The following RYR1 variants were observed in gnomAD, a reference collection of about 807,000 sequenced individuals.
The protein encoded by RYR1 is ryanodine receptor 1.
A neutral mutation model predicts 583.5 loss-of-function variants in RYR1; 342 were observed. The ratio of observed to expected loss-of-function variants is 0.59; its 90% confidence interval spans 0.54 to 0.64. The LOEUF (loss-of-function observed/expected upper bound fraction) is 0.64. Ranked by LOEUF, RYR1 falls within the 30% of genes least tolerant of loss-of-function variation. The pLI is 0.00. For missense variants in RYR1, 6,032 were observed against 6,917.2 expected, an observed-to-expected ratio of 0.87 and a Z score of 4.54; for synonymous variants, 2,791 against 2,822.5, an observed-to-expected ratio of 0.99 and a Z score of 0.35.
rs1972283336 is a variant in RYR1, at chr19:38,543,373, A to T, written c.11716A>T (p.Thr3906Ser). Residue 3906 changes from threonine to serine, a missense_variant, in exon 85 of 106, where the codon ACA (threonine) becomes TCA (serine). By Grantham distance (58) the Thr-to-Ser change is moderately conservative. Around this residue, in one of 11 missense-constraint regions of RYR1, gnomAD observed 1,493 missense variants for 1,715.5 expected, o/e 0.87. Transcript: ENST00000359596. This position sits in a 1 kb window ranked among gnomAD's most constrained non-coding sequence, Gnocchi z 4.4. ...TTTCCAGAACTACCTACGGACACAGACAGGGAACACGACCACTATTAACAT... is the reference window on the plus strand; with the variant it reads ...TTTCCAGAACTACCTACGGACACAGTCAGGGAACACGACCACTATTAACAT... ...NDFQNYLRTQ[T>S]GNTTTINIII... is the part of the protein sequence containing the mutation. 1.2e-6 allele frequency: 2 copies of T among 1,614,250 alleles called. No individual in the cohort carries two copies. The highest frequency in any genetic ancestry group is 1.7e-6 in the Non-Finnish European group (2 of 1,180,048).
chr19:38,468,864 C>A, intron 25 of RYR1, 102 bp from the exon 26 acceptor site: 2 of 1,277,218 alleles, frequency 1.6e-6, no homozygotes, highest in Non-Finnish European at 2.2e-6. Context: ...GAACCTGACA[C>A]TTCGAATGTC....
At chr19:38,464,781 T>TA in intron 23 of RYR1, 59 bp downstream of exon 23, 1 of 1,488,782 alleles carries the variant, frequency 6.7e-7, no homozygotes, top group Non-Finnish European at 9.2e-7. Context: ...GATGCTGTGC[T>TA]AAGGGCTGGG....
rs149937738 is a variant in RYR1, at chr19:38,522,289, T to C, written c.10260-739T>C. ...TATTTATGTATTTCGATGAAAAGGT[T>C]AGACAAAGTTTTTTAAAAAAGGAAT... On this transcript the variant is annotated intron_variant, in intron 67 of 105. Coordinates refer to ENST00000359596, the MANE Select transcript of RYR1 (RefSeq NM_000540.3). Among the ~76,000 whole-genome samples the C allele has an allele frequency of 5.3e-5, 8 of 152,214 alleles. No individual in the cohort carries two copies. The East Asian group carries it at 1.5e-3, about 29-fold the overall frequency.
chr19:38,471,321 G>T (rs1199270313), intron 27 of RYR1, among the ~76,000 whole-genome samples: 3 of 152,112 alleles, frequency 2.0e-5, no homozygotes, highest in Admixed American at 6.6e-5. Context: ...TTGAGCCTAG[G>T]AATTCAAGAC....
At chr19:38,505,202 C>G in intron 52 of RYR1, 107 bp from the exon 53 acceptor site, 1 of 1,188,344 alleles carries the variant, frequency 8.4e-7, no homozygotes, top group South Asian at 1.3e-5. Context: ...AGACCCTTAG[C>G]TTGTTCTGGG....
chr19:38,444,111 T>A lies in RYR1; in HGVS notation c.425-38T>A. On this transcript the variant is annotated intron_variant, in intron 5 of 105. Coordinates refer to ENST00000359596, the MANE Select transcript of RYR1 (RefSeq NM_000540.3). This position sits in a 1 kb window ranked among gnomAD's most constrained non-coding sequence, Gnocchi z 5.1. ...TGGGGAAGAGCATTCTGGGAAGCCATCATCTGACAGCCACCCCCATTCCAT... is the reference window on the plus strand; with the variant it reads ...TGGGGAAGAGCATTCTGGGAAGCCAACATCTGACAGCCACCCCCATTCCAT... The A allele has an allele frequency of 6.4e-7, 1 of 1,554,746 alleles. No homozygotes were observed. The highest frequency in any genetic ancestry group is 8.9e-7 in the Non-Finnish European group (1 of 1,126,180).
chr19:38,513,204 G>A (rs913545258), intron 63 of RYR1, among the ~76,000 whole-genome samples: 1 of 152,084 alleles, frequency 6.6e-6, no homozygotes, highest in Non-Finnish European at 1.5e-5. Context: ...GGGCATGGTG[G>A]TGGTCGCCTA....
chr19:38,568,271 C>T (rs1973539603), intron 93 of RYR1, among the ~76,000 whole-genome samples: 1 of 152,184 alleles, frequency 6.6e-6, no homozygotes, highest in Admixed American at 6.6e-5. Flanking sequence ...GGCTGTCAGC[C>T]CTTACAGTCT....
At chr19:38,446,638 AG>A in intron 8 of RYR1, 55 bp from the exon 9 acceptor site, 1 of 1,603,544 alleles carries the variant, frequency 6.2e-7, no homozygotes. Context: ...GAGTAGGATT[AG>A]GGACCAGATT....
Position 38,577,981 on chromosome 19 carries a change from C to A in RYR1, c.14236C>A (p.Leu4746Met), listed in dbSNP as rs752910637. The change falls in exon 98 of 106, where the codon CTG (leucine) becomes ATG (methionine). Residue 4746 changes from leucine to methionine, a missense_variant. This residue lies in a region of RYR1 where 188 missense variants were observed against 215.6 expected (regional missense o/e 0.87). Transcript: ENST00000359596. ...GATTGCTGAGCTACTGGGCATGGAC[C>A]TGGCCACACTAGAGATCACAGCCCA... The part of the protein sequence containing the change: ...ERIAELLGMD[L>M]ATLEITAHNE... The A allele has an allele frequency of 1.4e-5, 22 of 1,614,102 alleles. No homozygotes were observed. Among genetic ancestry groups the A allele is most frequent in the Non-Finnish European group, 1.6e-5 (19 of 1,180,014 alleles).
chr19:38,525,731 C>A (rs2145713337), intron 71 of RYR1, among the ~76,000 whole-genome samples: 1 of 152,026 alleles, frequency 6.6e-6, no homozygotes, highest in East Asian at 1.9e-4. Flanking sequence ...GACCTAAGAG[C>A]CCTCACTGAA....
intron 1 of RYR1, among the ~76,000 whole-genome samples, chr19:38,435,758 C>T (rs1174393327): frequency 6.6e-6 from 1 of 152,058 alleles, no homozygotes; most frequent in Non-Finnish European, 1.5e-5. Context: ...ACCTTCTGGA[C>T]CACATCCCGC....
chr19:38,464,822 G>A, intron 23 of RYR1, 100 bp downstream of exon 23: 1 of 1,059,246 alleles, frequency 9.4e-7, no homozygotes. Context: ...GGAGGCTGAG[G>A]TTAGGGAGGA....
intron 2 of RYR1, among the ~76,000 whole-genome samples, chr19:38,441,216 A>G (rs1439162832): frequency 1.9e-5 from 2 of 105,260 alleles, no homozygotes; most frequent in East Asian, 6.3e-4. Context: ...TGGTTGGGGA[A>G]CGGGTCTCAG....
intron 75 of RYR1, 63 bp downstream of exon 75, chr19:38,528,758 C>T: frequency 6.5e-7 from 1 of 1,542,024 alleles, no homozygotes. Flanking sequence ...CGGAGGCCAC[C>T]CTTGGCACAC....
chr19:38,457,504 A>G lies in RYR1; in HGVS notation c.1799A>G (p.Asp600Gly). ...TCTGACCTTGACCTCTAGGTCCTGG[A>G]CGTGCTATGCTCCCTGTGTGTGTGT... The part of the protein sequence containing the change: ...DKHGRNHKVL[D>G]VLCSLCVCNG... The change falls in exon 17 of 106, where the codon GAC becomes GGC. Residue 600 changes from aspartate (D) to glycine (G), a missense_variant. Asp to Gly is a moderately conservative substitution (Grantham distance 94). Coordinates refer to ENST00000359596, the MANE Select transcript of RYR1 (RefSeq NM_000540.3). The G allele has an allele frequency of 6.2e-7, 1 of 1,614,036 alleles. No individual in the cohort carries two copies. The highest frequency in any genetic ancestry group is 2.2e-5 in the East Asian group (1 of 44,876).
Position 38,561,036 on chromosome 19 carries a change from G to C in RYR1, c.12283-77G>C. 1 of 1,282,756 alleles carries C rather than the reference G, an allele frequency of 7.8e-7. No individual in the cohort carries two copies. The highest frequency in any genetic ancestry group is 1.6e-5 in the African/African-American group (1 of 63,684). The allele number at this position is 1,282,756 out of a possible 1,614,324, so 79.5% of individuals were successfully genotyped here. ...AGCCTGGGCGACACAGCGAGACCTT[G>C]TCTTAAAAAAAAAAAAAAAAAGAGA... On this transcript the variant is annotated intron_variant, in intron 89 of 105. Transcript: ENST00000359596. This position sits in a 1 kb window ranked among gnomAD's most constrained non-coding sequence, Gnocchi z 4.8.
At chr19:38,570,756 G>C in intron 94 of RYR1, 63 bp downstream of exon 94, 1 of 1,341,292 alleles carries the variant, frequency 7.5e-7, no homozygotes, top group South Asian at 1.2e-5. Flanking sequence ...GGGAGGCTCA[G>C]CCCCTATCAG....
chr19:38,489,424 C>T lies in RYR1; in HGVS notation c.5795C>T (p.Pro1932Leu), dbSNP rs1408876851. Reference protein sequence around the residue: ...LEEGLLQMKLPESVKLQMCHL... With the variant: ...LEEGLLQMKLLESVKLQMCHL... ...GAAGGGCTGCTCCAGATGAAGTTGCCAGAGTCTGTGAAGTTACAGGTGGGC... is the reference window on the plus strand; with the variant it reads ...GAAGGGCTGCTCCAGATGAAGTTGCTAGAGTCTGTGAAGTTACAGGTGGGC... The change falls in exon 35 of 106, where the codon CCA (proline) becomes CTA (leucine). Residue 1932 changes from proline (P) to leucine (L), a missense_variant. By Grantham distance (98) the Pro-to-Leu change is moderately conservative. Around this residue, in one of 11 missense-constraint regions of RYR1, gnomAD observed 2,627 missense variants for 2,961.3 expected, o/e 0.89. Coordinates refer to ENST00000359596, the MANE Select transcript of RYR1 (RefSeq NM_000540.3). 6.2e-7 allele frequency: 1 copy of T among 1,613,812 alleles called. No homozygotes were observed. The highest frequency in any genetic ancestry group is 8.5e-7 in the Non-Finnish European group (1 of 1,179,908).
Sources: allele counts gnomAD v4.1 joint callset (sites outside exome capture counted in the v4.1 genomes callset), GRCh38; gene constraint gnomAD v4.1.1; regional missense constraint gnomAD v4.1.1; non-coding constraint Gnocchi (gnomAD v3.1); transcripts MANE v1.5; gene names NCBI Gene and HGNC (gene_info 2026-07-23, HGNC 2026-07-21).